Variants in NELL2 observed in about 807,000 individuals in gnomAD.
The protein encoded by NELL2 is protein kinase C-binding protein NELL2.
NELL2 carries 41 observed loss-of-function variants against 109.6 expected under a neutral mutation model. The observed-to-expected ratio is 0.37, with a 90% CI of 0.29 to 0.49. The LOEUF is 0.49. Among genes scored for constraint, NELL2 ranks in the 20% least tolerant of loss-of-function variants. NELL2 has a pLI of 0.98. For missense variants in NELL2, 900 were observed against 1,008.3 expected (o/e 0.89, Z 1.45); for synonymous variants, 355 against 344.7 (o/e 1.03, Z -0.33).
At chr12:44,586,181 A>G (rs1336434329) in intron 15 of NELL2, among the ~76,000 whole-genome samples, 1 of 148,578 alleles carries the variant, frequency 6.7e-6, no homozygotes, top group Non-Finnish European at 1.5e-5. Flanking sequence ...ATGTATATGT[A>G]TATATAGATA....
chr12:44,874,262 C>A (rs1291445865), intron 2 of NELL2, among the ~76,000 whole-genome samples: 1 of 152,154 alleles, frequency 6.6e-6, no homozygotes, highest in African/African-American at 2.4e-5. Flanking sequence ...ACAACAACAA[C>A]AAAAATCTGG....
intron 9 of NELL2, among the ~76,000 whole-genome samples, chr12:44,746,462 C>T (rs1259465302): frequency 6.6e-6 from 1 of 152,154 alleles, no homozygotes; most frequent in Non-Finnish European, 1.5e-5. Context: ...TCTAATTCAA[C>T]TCAAGAGCTT....
chr12:44,902,030 T>C (rs189938349), intron 1 of NELL2, among the ~76,000 whole-genome samples: 71 of 152,260 alleles, frequency 4.7e-4, no homozygotes, highest in African/African-American at 1.7e-3. Flanking sequence ...CTATTCAACA[T>C]AGTTTTGAAA....
chr12:44,854,445 G>A (rs1178826974), intron 2 of NELL2, among the ~76,000 whole-genome samples: 1 of 152,096 alleles, frequency 6.6e-6, no homozygotes, highest in African/African-American at 2.4e-5. Flanking sequence ...GATTGTCAGA[G>A]AGATGAAAAA....
intron 15 of NELL2, among the ~76,000 whole-genome samples, chr12:44,604,264 G>GAGGAAGGAGTGAGAGAAAGGGGA (rs2136242660): frequency 6.6e-6 from 1 of 152,158 alleles, no homozygotes; most frequent in Non-Finnish European, 1.5e-5. Context: ...AGCAAGGAAA[G>GAGGAAGGAGTGAGAGAAAGGGGA]AGGAAGGAGT....
intron 9 of NELL2, among the ~76,000 whole-genome samples, chr12:44,745,319 C>T (rs1207148673): frequency 6.6e-5 from 10 of 152,120 alleles, no homozygotes; most frequent in African/African-American, 2.2e-4. Flanking sequence ...TAAGCGCAAT[C>T]TATGACAAAC....
At chr12:44,814,933 G>T (rs183129763) in intron 3 of NELL2, among the ~76,000 whole-genome samples, 3 of 152,060 alleles carry the variant, frequency 2.0e-5, no homozygotes, top group Admixed American at 1.3e-4. Flanking sequence ...TTTTATATAG[G>T]TAAAGCATTT....
intron 16 of NELL2, among the ~76,000 whole-genome samples, chr12:44,526,442 T>C (rs962413810): frequency 2.0e-5 from 3 of 152,186 alleles, no homozygotes; most frequent in Admixed American, 2.0e-4. Flanking sequence ...TACTGTTACA[T>C]AACTTGCCCA....
At chr12:44,669,371 A>G (rs752117368) in intron 12 of NELL2, among the ~76,000 whole-genome samples, 20 of 152,230 alleles carry the variant, frequency 1.3e-4, no homozygotes, top group Admixed American at 2.6e-4. Context: ...AAGGAACATC[A>G]TAATTATCAA....
chr12:44,574,889 C>T (rs1447287521), intron 15 of NELL2, among the ~76,000 whole-genome samples: 1 of 152,220 alleles, frequency 6.6e-6, no homozygotes, highest in Non-Finnish European at 1.5e-5. Context: ...CTATACTTGA[C>T]ATTCCCTGTT....
chr12:44,595,656 T>C (rs1455782265), intron 15 of NELL2, among the ~76,000 whole-genome samples: 3 of 149,898 alleles, frequency 2.0e-5, no homozygotes, highest in Admixed American at 6.7e-5. Context: ...TTAGCCAGGA[T>C]GGTCTCGATC....
At chr12:44,522,301 A>G in intron 17 of NELL2, 125 bp from the exon 18 acceptor site, 1 of 685,522 alleles carries the variant, frequency 1.5e-6, no homozygotes, top group Non-Finnish European at 2.2e-6. Context: ...TGCTTATCTG[A>G]TATAATAAAT....
intron 2 of NELL2, chr12:44,874,989 A>T: frequency 2.2e-6 from 1 of 455,868 alleles, no homozygotes; most frequent in Non-Finnish European, 3.9e-6. Flanking sequence ...CTCAGTAATT[A>T]AGGGACTATC....
intron 9 of NELL2, among the ~76,000 whole-genome samples, chr12:44,745,368 G>A (rs1940276958): frequency 6.6e-6 from 1 of 152,070 alleles, no homozygotes; most frequent in African/African-American, 2.4e-5. Flanking sequence ...AAAACTGGAA[G>A]CATTCCCTTT....
chr12:44,876,394 G>A (rs1023237667), upstream of NELL2: 2 of 1,267,496 alleles, frequency 1.6e-6, no homozygotes, highest in Middle Eastern at 3.1e-4. Flanking sequence ...GGGGTAAGGA[G>A]GAGGGAGGGG....
chr12:44,603,250 GA>G (rs1945284063), intron 15 of NELL2, among the ~76,000 whole-genome samples: 1 of 151,854 alleles, frequency 6.6e-6, no homozygotes, highest in South Asian at 2.1e-4. Context: ...TCTCTTCTTT[GA>G]TACTGCAGCA....
chr12:44,849,668 A>C (rs923534954), intron 2 of NELL2, among the ~76,000 whole-genome samples: 6 of 152,206 alleles, frequency 3.9e-5, no homozygotes, highest in Non-Finnish European at 8.8e-5. Context: ...ATAAAAGTAA[A>C]TGTCCAAAAG....
intron 11 of NELL2, among the ~76,000 whole-genome samples, chr12:44,705,670 CACA>C (rs79640705): frequency 0.48 from 72,557 of 151,622 alleles, 18,348 homozygotes; most frequent in Non-Finnish European, 0.58. Context: ...AATAGCTCAG[CACA>C]ACATCAAACT....
At position 44,876,271 on chromosome 12, in the gene NELL2, C is replaced by T. The variant is rs545078742; in HGVS notation, c.-402G>A. On this transcript the variant is annotated 5_prime_UTR_variant, in exon 1 of 20. Transcript: ENST00000429094. ...CCGGGCTGGGGCGGCCCCGCACCCC[C>T]CCGTCTTCCCCGCCGCCCGAACCTG... 54 of 1,157,838 alleles carry T rather than the reference C, an allele frequency of 4.7e-5. No individual in the cohort carries two copies. Among genetic ancestry groups the T allele is most frequent in the East Asian group, 9.2e-5 (2 of 21,760 alleles). 71.7% of individuals were successfully genotyped at this position (1,157,838 alleles called of 1,614,324 possible).
Sources: gnomAD v4.1 joint callset for allele counts (sites outside exome capture counted in the v4.1 genomes callset) on GRCh38, gnomAD v4.1.1 for gene constraint, MANE v1.5 for transcripts, NCBI Gene and HGNC (gene_info 2026-07-23, HGNC 2026-07-21) for gene names.